CHIC1: variants seen among roughly 807,000 people sequenced by gnomAD.
CHIC1 encodes the protein cysteine rich hydrophobic domain 1.
CHIC1 carries 7 observed loss-of-function variants against 18.5 expected under a neutral mutation model. The observed-to-expected ratio is 0.38, with a 90% confidence interval of 0.22 to 0.71. CHIC1 has a LOEUF of 0.71. Ranked by LOEUF, CHIC1 falls within the 30% of genes least tolerant of loss-of-function variation. The pLI is 0.49. For missense variants in CHIC1, 159 were observed against 176.9 expected, an observed-to-expected ratio of 0.90 and a Z score of 0.57; for synonymous variants, 77 against 73.5, an observed-to-expected ratio of 1.05 and a Z score of -0.25.
chrX:73,612,819 A>G (rs930299077), intron 3 of CHIC1, among the ~76,000 whole-genome samples: 7 of 112,131 alleles, frequency 6.2e-5, no homozygotes, highest in Non-Finnish European at 1.3e-4. Context: ...TGTTTTTTAG[A>G]TCCATTTGGT....
chrX:73,671,800 A>G (rs1450648664), intron 3 of CHIC1, among the ~76,000 whole-genome samples: 3 of 103,450 alleles, frequency 2.9e-5, no homozygotes, highest in Admixed American at 1.0e-4. Context: ...TTTAAGTTTT[A>G]TGGTACATGT....
intron 3 of CHIC1, among the ~76,000 whole-genome samples, chrX:73,601,028 C>G (rs1161661586): frequency 9.3e-6 from 1 of 107,790 alleles, no homozygotes; most frequent in African/African-American, 3.6e-5. Flanking sequence ...AATATATATG[C>G]ACCCAGTACA....
chrX:73,655,704 G>A (rs2057945825), intron 3 of CHIC1, among the ~76,000 whole-genome samples: 1 of 100,909 alleles, frequency 9.9e-6, no homozygotes, highest in South Asian at 4.4e-4. Context: ...ATCATTGATG[G>A]GCATTTCTGT....
intron 3 of CHIC1, among the ~76,000 whole-genome samples, chrX:73,658,417 T>A (rs1418353046): frequency 9.2e-6 from 1 of 108,388 alleles, no homozygotes; most frequent in Admixed American, 9.9e-5. Context: ...TTTTCTAGTT[T>A]ATGTGTATAG....
chrX:73,672,327 C>A (rs752398380), intron 3 of CHIC1, among the ~76,000 whole-genome samples: 29 of 111,541 alleles, frequency 2.6e-4, no homozygotes, highest in African/African-American at 8.5e-4. Context: ...AGTTCTAGAT[C>A]CCTGAGGAAT....
chrX:73,617,201 C>G (rs1408258160), intron 3 of CHIC1, among the ~76,000 whole-genome samples: 1 of 111,962 alleles, frequency 8.9e-6, no homozygotes. Flanking sequence ...CCGCCAGTCT[C>G]TTTGCTAAAA....
chrX:73,628,951 A>G (rs2057795639), intron 3 of CHIC1, among the ~76,000 whole-genome samples: 1 of 110,935 alleles, frequency 9.0e-6, no homozygotes, highest in African/African-American at 3.3e-5. Flanking sequence ...CCACCAGTAG[A>G]GTTCAAGATT....
In CHIC1 at chrX:73,683,749, A is replaced by G. The variant is rs920932692; in HGVS notation, c.*2744A>G. The G allele has an allele frequency of 3.6e-5, 4 of 111,931 alleles. No individual in the cohort carries two copies. The highest frequency in any genetic ancestry group is 9.7e-5 in the African/African-American group (3 of 30,872). The allele number at this position is 111,931 out of a possible 1,213,427, so 9.2% of individuals were successfully genotyped here. A position where few individuals can be genotyped will look rare whatever the true frequency, so the allele number is the denominator to read the frequency against. On this transcript the variant is annotated 3_prime_UTR_variant, in exon 6 of 6. Transcript: ENST00000373502. ...ATTGTTTTTTAAAATTAATGTTCCA[A>G]TGTTTCTCATTTGGCCCAAGATTCT...
At chrX:73,656,459 T>C (rs2057949708) in intron 3 of CHIC1, among the ~76,000 whole-genome samples, 2 of 112,100 alleles carry the variant, frequency 1.8e-5, no homozygotes, top group Admixed American at 9.5e-5. Flanking sequence ...CTTTCATCAG[T>C]CTTGAGTTGA....
rs772418309 is a variant in CHIC1, at chrX:73,677,991, G to GGTTTTTTT, written c.508-1335_508-1334insGTTTTTTT. On this transcript the variant is annotated intron_variant, in intron 3 of 5. Coordinates refer to ENST00000373502, the MANE Select transcript of CHIC1 (RefSeq NM_001039840.4). ...AAATTATTGTGTCCTTTTGGAGGTT[G>GGTTTTTTT]TTTTTTTTTTTTTTTTGTCCTTACA... Among the ~76,000 whole-genome samples, 2 of 80,438 alleles carry GGTTTTTTT rather than the reference G, an allele frequency of 2.5e-5. 1 individual carries two copies. The highest frequency in any genetic ancestry group is 4.8e-5 in the Non-Finnish European group (2 of 42,078). 69.9% of individuals were successfully genotyped at this position (80,438 alleles called of 115,157 possible).
At chrX:73,596,721 C>T (rs889479411) in intron 3 of CHIC1, among the ~76,000 whole-genome samples, 7 of 110,758 alleles carry the variant, frequency 6.3e-5, no homozygotes, top group African/African-American at 2.3e-4. Flanking sequence ...AGAAATAACA[C>T]CACACACCTA....
intron 3 of CHIC1, among the ~76,000 whole-genome samples, chrX:73,643,743 A>G (rs2057871725): frequency 1.8e-5 from 2 of 111,360 alleles, no homozygotes; most frequent in African/African-American, 3.3e-5. Context: ...ACTTCTCTGC[A>G]TTGGTTATTC....
At position 73,682,800 on chromosome X, in the gene CHIC1, A is replaced by C; in HGVS notation, c.*1795A>C. 1 of 111,517 alleles carries C rather than the reference A, an allele frequency of 9.0e-6. No homozygotes were observed. The highest frequency in any genetic ancestry group is 1.9e-5 in the Non-Finnish European group (1 of 52,795). 9.2% of individuals were successfully genotyped at this position (111,517 alleles called of 1,213,427 possible). On this transcript the variant is annotated 3_prime_UTR_variant, in exon 6 of 6. Transcript: ENST00000373502. Reference sequence around the variant, plus strand: ...AATTGAAGGTGTATTTTTATAGACAAGGTAGAAGCCTCTGAAAATGTATAC... The same window carrying C: ...AATTGAAGGTGTATTTTTATAGACACGGTAGAAGCCTCTGAAAATGTATAC...
Position 73,658,492 on chromosome X carries a change from TATC to T in CHIC1, c.508-20831_508-20829del, listed in dbSNP as rs2057963091. ...ATGTGGTCAGTGGTGTTATTTTCCT[TATC>T]ATTTCTGATTGTGTTTACTTGATAA... is the stretch of plus-strand genomic sequence containing the variant. On this transcript the variant is annotated intron_variant, in intron 3 of 5. Coordinates refer to ENST00000373502, the MANE Select transcript of CHIC1 (RefSeq NM_001039840.4). 2.8e-5 allele frequency among the ~76,000 whole-genome samples: 3 copies of T among 108,793 alleles called. No homozygotes were observed. The South Asian group carries it at 1.2e-3, about 44-fold the overall frequency. The allele number at this position is 108,793 out of a possible 115,157, so 94.5% of individuals were successfully genotyped here. A position where few individuals can be genotyped will look rare whatever the true frequency, so the allele number is the denominator to read the frequency against.
intron 2 of CHIC1, among the ~76,000 whole-genome samples, chrX:73,579,982 T>C (rs2057518962): frequency 9.0e-6 from 1 of 110,531 alleles, no homozygotes; most frequent in Admixed American, 9.7e-5. Flanking sequence ...TAGGTGTAGT[T>C]ATATCCAACT....
At chrX:73,577,895 T>C (rs752191479) in intron 2 of CHIC1, among the ~76,000 whole-genome samples, 1 of 109,995 alleles carries the variant, frequency 9.1e-6, no homozygotes, top group Admixed American at 9.7e-5. Flanking sequence ...TTTTAGATAG[T>C]TGGAGTTGGT....
intron 3 of CHIC1, among the ~76,000 whole-genome samples, chrX:73,664,830 G>C (rs939528798): frequency 3.6e-5 from 4 of 111,166 alleles, no homozygotes; most frequent in African/African-American, 6.5e-5. Flanking sequence ...TGGTTGGCTT[G>C]TTGTTCGCAC....
In CHIC1 at chrX:73,684,911, TGTGA is replaced by T. The variant is rs781391928; in HGVS notation, c.*3909_*3912del. 1.5e-4 allele frequency: 17 copies of T among 111,250 alleles called. No individual in the cohort carries two copies. Among genetic ancestry groups the T allele is most frequent in the African/African-American group, 3.6e-4 (11 of 30,718 alleles). 9.2% of individuals were successfully genotyped at this position (111,250 alleles called of 1,213,427 possible). A position where few individuals can be genotyped will look rare whatever the true frequency, so the allele number is the denominator to read the frequency against. On this transcript the variant is annotated 3_prime_UTR_variant, in exon 6 of 6. Transcript: ENST00000373502. ...CAGCCTTTTTGTTTTGATGGCACCC[TGTGA>T]GTATGTTCCATTTTCTGTGAACTTT...
chrX:73,646,784 T>C (rs1160583571), intron 3 of CHIC1, among the ~76,000 whole-genome samples: 3 of 112,312 alleles, frequency 2.7e-5, no homozygotes, highest in Non-Finnish European at 5.6e-5. Flanking sequence ...ACAATTTCAC[T>C]TCTGTCTGAC....
Sources: allele counts gnomAD v4.1 joint callset (sites outside exome capture counted in the v4.1 genomes callset), GRCh38; gene constraint gnomAD v4.1.1; transcripts MANE v1.5; gene names NCBI Gene and HGNC (gene_info 2026-07-23, HGNC 2026-07-21).